ABLIM3: variants seen among roughly 807,000 people sequenced by gnomAD.
The protein encoded by ABLIM3 is actin-binding LIM protein 3.
In ABLIM3, 61 loss-of-function variants were observed where a neutral mutation model predicts 109.5. The observed-to-expected ratio is 0.56, with a 90% CI of 0.45 to 0.69. ABLIM3 has a LOEUF of 0.69. Ranked by LOEUF, ABLIM3 falls within the 30% of genes least tolerant of loss-of-function variation. ABLIM3 has a pLI of 0.00. For synonymous variants in ABLIM3, 300 were observed against 324.8 expected, an observed-to-expected ratio of 0.92 and a Z score of 0.82; for missense variants, 796 against 889.5, an observed-to-expected ratio of 0.89 and a Z score of 1.34.
chr5:149,242,632 C>T, intron 15 of ABLIM3, 94 bp downstream of exon 15: 1 of 1,337,358 alleles, frequency 7.5e-7, no homozygotes, highest in Non-Finnish European at 1.1e-6. Flanking sequence ...CCAGGAGCCA[C>T]AAAACACAAG....
chr5:149,213,392 A>T (rs984958144), intron 7 of ABLIM3, among the ~76,000 whole-genome samples: 1 of 152,216 alleles, frequency 6.6e-6, no homozygotes, highest in African/African-American at 2.4e-5. Flanking sequence ...GAGCTTCAGA[A>T]AACATGGTGA....
intron 2 of ABLIM3, among the ~76,000 whole-genome samples, chr5:149,172,485 C>T (rs1755530143): frequency 2.6e-5 from 4 of 152,208 alleles, no homozygotes; most frequent in Admixed American, 2.0e-4. Context: ...CACCCAGGGG[C>T]TCTGCAAGAC....
intron 3 of ABLIM3, among the ~76,000 whole-genome samples, chr5:149,193,998 C>A (rs1426088958): frequency 3.3e-5 from 5 of 152,008 alleles, no homozygotes; most frequent in Admixed American, 6.6e-5. Context: ...TAGGAGATAC[C>A]TTTTTAGGAT....
Position 149,258,754 on chromosome 5 carries a change from C to G in ABLIM3, c.*350C>G. 7 of 1,003,730 alleles carry G rather than the reference C, an allele frequency of 7.0e-6. No individual in the cohort carries two copies. Among genetic ancestry groups the G allele is most frequent in the Non-Finnish European group, 8.3e-6 (7 of 842,440 alleles). 62.2% of individuals were successfully genotyped at this position (1,003,730 alleles called of 1,614,324 possible). ...CTTCTCTCTGCTTCGTGGCCCCTTT[C>G]TTAAATTTCTAGGGCTGATGCTGAC... On this transcript the variant is annotated 3_prime_UTR_variant, in exon 24 of 24. Coordinates refer to ENST00000309868, the MANE Select transcript of ABLIM3 (RefSeq NM_014945.5).
intron 3 of ABLIM3, among the ~76,000 whole-genome samples, chr5:149,187,433 T>A (rs1757063955): frequency 6.6e-6 from 1 of 151,704 alleles, no homozygotes; most frequent in Admixed American, 6.6e-5. Context: ...GAAGAATATA[T>A]TTAATGTACT....
rs1158187061 is a variant in ABLIM3 at position 149,233,251 on chromosome 5, C to T, written c.839C>T (p.Ser280Phe). ...CAGCATAGACGGACATCTGAAACCTCCATCTCACCCCCTGGATCCAGCATT... is the reference window on the plus strand; with the variant it reads ...CAGCATAGACGGACATCTGAAACCTTCATCTCACCCCCTGGATCCAGCATT... Reference protein sequence around the residue: ...KLKHRRTSETSISPPGSSIGS... With the variant: ...KLKHRRTSETFISPPGSSIGS... Residue 280 changes from serine to phenylalanine, a missense_variant, in exon 10 of 24, where the codon TCC (serine) becomes TTC (phenylalanine). Ser to Phe is a radical substitution (Grantham distance 155). Coordinates refer to ENST00000309868, the MANE Select transcript of ABLIM3 (RefSeq NM_014945.5). 1.9e-6 allele frequency: 3 copies of T among 1,614,106 alleles called. No homozygotes were observed. The highest frequency in any genetic ancestry group is 2.5e-6 in the Non-Finnish European group (3 of 1,180,044).
chr5:149,195,882 C>T (rs1297484338), intron 3 of ABLIM3, among the ~76,000 whole-genome samples: 2 of 152,196 alleles, frequency 1.3e-5, no homozygotes, highest in African/African-American at 4.8e-5. Flanking sequence ...GGGGTGGGGT[C>T]GGGGGCCACA....
At chr5:149,148,153 C>T (rs898360130) in intron 2 of ABLIM3, among the ~76,000 whole-genome samples, 5 of 152,164 alleles carry the variant, frequency 3.3e-5, no homozygotes, top group African/African-American at 1.2e-4. Context: ...ATTACAAAAA[C>T]AAGAGCATGC....
intron 18 of ABLIM3, 127 bp from the exon 19 acceptor site, chr5:149,249,688 G>C (rs1753742899): frequency 9.9e-7 from 1 of 1,014,378 alleles, no homozygotes; most frequent in Admixed American, 1.8e-5. Flanking sequence ...GGGGCTGCAG[G>C]AGGCCCCTTT....
rs1581108947 is a variant in ABLIM3, at chr5:149,198,457, G to T, written c.335+55G>T. The T allele has an allele frequency of 4.6e-6, 7 of 1,513,206 alleles. No individual in the cohort carries two copies. The East Asian group carries it at 1.4e-4, about 30-fold the overall frequency. The allele number at this position is 1,513,206 out of a possible 1,614,324, so 93.7% of individuals were successfully genotyped here. On this transcript the variant is annotated intron_variant, in intron 4 of 23. Coordinates refer to ENST00000309868, the MANE Select transcript of ABLIM3 (RefSeq NM_014945.5). This position sits in a 1 kb window ranked among gnomAD's most constrained non-coding sequence, Gnocchi z 4.2. ...CCTCTGCATAAGCCCCCGGGGCAGG[G>T]GAAGACCTGGCTTTTTCCAGGAAGT...
chr5:149,244,955 T>A lies in ABLIM3; in HGVS notation c.1426T>A (p.Ser476Thr). Reference sequence around the variant, plus strand: ...GACCTCCAAGTACAGTCCCATCTACTCGCCAGACCCCTACTATGCTTCGGA... The same window carrying A: ...GACCTCCAAGTACAGTCCCATCTACACGCCAGACCCCTACTATGCTTCGGA... ...SQTSKYSPIYSPDPYYASESE... is the reference protein window; with the variant it reads ...SQTSKYSPIYTPDPYYASESE... The change falls in exon 16 of 24, where the codon TCG becomes ACG. Residue 476 changes from serine to threonine, a missense_variant. Physicochemically the swap from Ser to Thr is moderately conservative, Grantham distance 58 (BLOSUM62 1). Coordinates refer to ENST00000309868, the MANE Select transcript of ABLIM3 (RefSeq NM_014945.5). The A allele has an allele frequency of 6.2e-7, 1 of 1,614,122 alleles. No individual in the cohort carries two copies. The highest frequency in any genetic ancestry group is 8.5e-7 in the Non-Finnish European group (1 of 1,180,024).
chr5:149,190,270 G>A (rs565926197), intron 3 of ABLIM3, among the ~76,000 whole-genome samples: 2 of 152,254 alleles, frequency 1.3e-5, no homozygotes, highest in East Asian at 3.9e-4. Context: ...TGATGAAAAC[G>A]TTCTGGAATT....
intron 8 of ABLIM3, among the ~76,000 whole-genome samples, chr5:149,222,041 C>G (rs917230799): frequency 6.6e-6 from 1 of 151,836 alleles, no homozygotes; most frequent in Non-Finnish European, 1.5e-5. Context: ...AAATACTGGA[C>G]AAACCTCACT....
At chr5:149,249,914 C>A in intron 19 of ABLIM3, 70 bp downstream of exon 19, 2 of 1,554,394 alleles carry the variant, frequency 1.3e-6, no homozygotes, top group Non-Finnish European at 1.8e-6. Flanking sequence ...AGCTGCAGTT[C>A]TCCATAGTTC....
At chr5:149,199,683 T>C (rs952967084) in intron 4 of ABLIM3, among the ~76,000 whole-genome samples, 1 of 152,248 alleles carries the variant, frequency 6.6e-6, no homozygotes, top group Non-Finnish European at 1.5e-5. Flanking sequence ...TGTTAGGTGC[T>C]GTGCTGAGAG....
At chr5:149,160,065 C>G (rs930784515) in intron 2 of ABLIM3, among the ~76,000 whole-genome samples, 10 of 152,072 alleles carry the variant, frequency 6.6e-5, no homozygotes, top group African/African-American at 2.4e-4. Context: ...TGTCACAGAC[C>G]CTTCCCACAG....
Position 149,244,930 on chromosome 5 carries a change from G to C in ABLIM3, c.1401G>C (p.Gln467His). 8.7e-6 allele frequency: 14 copies of C among 1,614,150 alleles called. No individual in the cohort carries two copies. Among genetic ancestry groups the C allele is most frequent in the Non-Finnish European group, 1.1e-5 (13 of 1,180,040 alleles). ...GCAAAACAAGTGAAGACATCAGCCA[G>C]ACCTCCAAGTACAGTCCCATCTACT... ...TKSKTSEDISQTSKYSPIYSP... is the reference protein window; with the variant it reads ...TKSKTSEDISHTSKYSPIYSP... Residue 467 changes from glutamine (Q) to histidine (H), a missense_variant, in exon 16 of 24, where the codon CAG becomes CAC. Gln to His is a conservative substitution (Grantham distance 24). Coordinates refer to ENST00000309868, the MANE Select transcript of ABLIM3 (RefSeq NM_014945.5).
intron 2 of ABLIM3, chr5:149,174,528 C>T (rs1213802242): frequency 6.6e-6 from 1 of 152,222 alleles, no homozygotes; most frequent in Non-Finnish European, 1.5e-5. Flanking sequence ...TCTAAAGTTC[C>T]TCTATTTCCA....
rs749170430 is a variant in ABLIM3 at position 149,230,702 on chromosome 5, T to A, written c.811T>A (p.Leu271Ile). 18 of 1,613,934 alleles carry A rather than the reference T, an allele frequency of 1.1e-5. No homozygotes were observed. In the South Asian group the frequency reaches 1.9e-4, roughly 17 times the overall value. Residue 271 changes from leucine (L) to isoleucine (I), a missense_variant, in exon 9 of 24, where the codon TTA (leucine) becomes ATA (isoleucine). Transcript: ENST00000309868. ...ACAGGCAGCCCGGGCAGAGAAGAAG[T>A]TAAAGGTAAGCAAGCTAGTAGATTC... ...CKQAARAEKK[L>I]KHRRTSETSI... is the part of the protein sequence containing the mutation.
Sources: allele counts gnomAD v4.1 joint callset (sites outside exome capture counted in the v4.1 genomes callset), GRCh38; gene constraint gnomAD v4.1.1; non-coding constraint Gnocchi (gnomAD v3.1); transcripts MANE v1.5; gene names NCBI Gene and HGNC (gene_info 2026-07-23, HGNC 2026-07-21).